PHKB: variants seen among roughly 807,000 people sequenced by gnomAD.
PHKB encodes the protein phosphorylase kinase regulatory subunit beta.
Under a neutral mutation model 152.1 loss-of-function variants are expected in PHKB, and 122 were observed. The ratio of observed to expected loss-of-function variants is 0.80; its 90% CI spans 0.69 to 0.93. The LOEUF (loss-of-function observed/expected upper bound fraction) is 0.93, where lower values mean the gene tolerates loss of function less well. Among genes scored for constraint, PHKB ranks in the 40% least tolerant of loss-of-function variants. The pLI is 0.00. For synonymous variants in PHKB, 436 were observed against 464.9 expected, an observed-to-expected ratio of 0.94 and a Z score of 0.80; for missense variants, 1,304 against 1,328.4, an observed-to-expected ratio of 0.98 and a Z score of 0.29.
At chr16:47,515,742 GT>G in intron 6 of PHKB, 141 bp downstream of exon 6, 1 of 647,960 alleles carries the variant, frequency 1.5e-6, no homozygotes, top group Non-Finnish European at 2.7e-6. Context: ...GATGTTGGTT[GT>G]TGAATGAAAA....
intron 14 of PHKB, among the ~76,000 whole-genome samples, chr16:47,623,506 A>G (rs1269516745): frequency 7.6e-6 from 1 of 131,030 alleles, no homozygotes; most frequent in East Asian, 2.2e-4. Flanking sequence ...TTTTGGTTCC[A>G]TTTTTTAATG....
chr16:47,544,834 T>C (rs951574536), intron 6 of PHKB, among the ~76,000 whole-genome samples: 75 of 152,268 alleles, frequency 4.9e-4, no homozygotes, highest in African/African-American at 1.5e-3. Context: ...ACTGATCCCT[T>C]TACCATTATG....
chr16:47,537,432 C>T (rs1156233236), intron 6 of PHKB, among the ~76,000 whole-genome samples: 1 of 152,230 alleles, frequency 6.6e-6, no homozygotes, highest in Non-Finnish European at 1.5e-5. Flanking sequence ...ATCATGCCAG[C>T]TCAGGGAAAC....
At chr16:47,466,311 GA>G (rs1171085394) in intron 1 of PHKB, among the ~76,000 whole-genome samples, 7 of 152,190 alleles carry the variant, frequency 4.6e-5, no homozygotes, top group African/African-American at 1.4e-4. Context: ...AATTATTAGA[GA>G]AGGAATGTAG....
At chr16:47,580,482 G>A (rs1971824209) in intron 8 of PHKB, 124 bp downstream of exon 8, 5 of 665,590 alleles carry the variant, frequency 7.5e-6, no homozygotes, top group Non-Finnish European at 1.3e-5. Context: ...AGAAGCTCAT[G>A]CTTGAACTTT....
chr16:47,663,669 A>G lies in PHKB; in HGVS notation c.2279-8A>G, dbSNP rs758430528. 6.2e-7 allele frequency: 1 copy of G among 1,610,962 alleles called. No individual in the cohort carries two copies. Among genetic ancestry groups the G allele is most frequent in the Non-Finnish European group, 8.5e-7 (1 of 1,177,358 alleles). ...TGTTCAACAAAGACTCTATTATCCA[A>G]TGTCTAGGTACCGTTTCTGATCACA... On this transcript the variant is annotated splice_region_variant and splice_polypyrimidine_tract_variant and intron_variant, in intron 23 of 30. Transcript: ENST00000323584.
intron 16 of PHKB, 32 bp from the exon 17 acceptor site, chr16:47,648,501 C>T: frequency 3.6e-6 from 5 of 1,403,916 alleles, no homozygotes; most frequent in East Asian, 2.3e-5. Context: ...GGATTCTTAC[C>T]TGACTCTAAT....
rs1208748773 is a variant in PHKB, at chr16:47,593,556, T to C, written c.1125T>C (p.Asp375=). ...FPIFFLYMMI[D]GVFRGNPKQV... is the part of the protein sequence containing the mutation. ...TATTTTTCCTTTATATGATGATTGA[T>C]GGTAAGTAAGCTTTTTCCTGAAATT... The change falls in exon 11 of 31, where the codon GAT becomes GAC. Residue 375 remains aspartate, a splice_region_variant and synonymous_variant. Transcript: ENST00000323584. The C allele has an allele frequency of 2.5e-5, 37 of 1,476,954 alleles. No homozygotes were observed. The Admixed American group carries it at 4.7e-4, about 19-fold the overall frequency. 91.5% of individuals were successfully genotyped at this position (1,476,954 alleles called of 1,614,324 possible).
intron 6 of PHKB, among the ~76,000 whole-genome samples, chr16:47,540,359 C>T (rs1419440841): frequency 4.0e-5 from 6 of 150,672 alleles, no homozygotes; most frequent in Non-Finnish European, 8.8e-5. Flanking sequence ...TGAACATAGA[C>T]CCTTATCAGT....
At chr16:47,609,722 G>A (rs1280973735) in intron 13 of PHKB, among the ~76,000 whole-genome samples, 1 of 151,986 alleles carries the variant, frequency 6.6e-6, no homozygotes, top group African/African-American at 2.4e-5. Context: ...TGTATTTGTT[G>A]ATATTATTCT....
At chr16:47,558,424 G>A (rs1258613662) in intron 7 of PHKB, among the ~76,000 whole-genome samples, 2 of 152,180 alleles carry the variant, frequency 1.3e-5, no homozygotes, top group African/African-American at 4.8e-5. Flanking sequence ...GTGAGGTCAT[G>A]TTATGATTGT....
chr16:47,552,006 G>A (rs1971279820), intron 7 of PHKB, among the ~76,000 whole-genome samples: 2 of 152,126 alleles, frequency 1.3e-5, no homozygotes, highest in Non-Finnish European at 2.9e-5. Flanking sequence ...TTGATTTAAA[G>A]TCTGTTTTAT....
At position 47,666,054 on chromosome 16, in the gene PHKB, A is replaced by G. The variant is rs772946117; in HGVS notation, c.2427+1079A>G. ...ACAGGTAAGTATTTGCTTTTCAGAC[A>G]CTTATTTGGTCCCGGTTGCAAAGAT... On this transcript the variant is annotated intron_variant, in intron 25 of 30. Coordinates refer to ENST00000323584, the MANE Select transcript of PHKB (RefSeq NM_000293.3). 6 of 1,547,132 alleles carry G rather than the reference A, an allele frequency of 3.9e-6. No homozygotes were observed. The East Asian group carries it at 6.7e-5, about 17-fold the overall frequency.
chr16:47,464,402 A>G (rs946765363), intron 1 of PHKB, among the ~76,000 whole-genome samples: 1 of 152,214 alleles, frequency 6.6e-6, no homozygotes, highest in Non-Finnish European at 1.5e-5. Context: ...GAAGCAGGTT[A>G]TTAATATACA....
At chr16:47,514,416 C>T (rs920797616) in intron 5 of PHKB, among the ~76,000 whole-genome samples, 8 of 152,182 alleles carry the variant, frequency 5.3e-5, no homozygotes, top group African/African-American at 1.9e-4. Flanking sequence ...AAAAGCCCAG[C>T]GAGCCACTGA....
chr16:47,530,349 T>C (rs1440516608), intron 6 of PHKB, among the ~76,000 whole-genome samples: 1 of 152,072 alleles, frequency 6.6e-6, no homozygotes, highest in African/African-American at 2.4e-5. Context: ...CCAGTAGAGA[T>C]GGGTTTTGCC....
intron 1 of PHKB, among the ~76,000 whole-genome samples, chr16:47,482,074 T>A (rs1267955093): frequency 1.3e-5 from 2 of 152,246 alleles, no homozygotes; most frequent in Non-Finnish European, 2.9e-5. Context: ...GAAAGCTGGC[T>A]TGTGAAAAAT....
At chr16:47,581,026 C>T (rs1325030644) in intron 8 of PHKB, among the ~76,000 whole-genome samples, 2 of 152,122 alleles carry the variant, frequency 1.3e-5, no homozygotes, top group African/African-American at 4.8e-5. Flanking sequence ...GGCCAATTTT[C>T]TTTAGCAGTT....
intron 14 of PHKB, among the ~76,000 whole-genome samples, chr16:47,635,627 A>C (rs912707590): frequency 2.0e-5 from 3 of 152,232 alleles, no homozygotes; most frequent in African/African-American, 7.2e-5. Flanking sequence ...TCAGATGAGC[A>C]GGATCATTGC....
Sources: gnomAD v4.1 joint callset for allele counts (sites outside exome capture counted in the v4.1 genomes callset) on GRCh38, gnomAD v4.1.1 for gene constraint, MANE v1.5 for transcripts, NCBI Gene and HGNC (gene_info 2026-07-23, HGNC 2026-07-21) for gene names.